Variants in OR2B11 observed in about 807,000 individuals in gnomAD.
The protein encoded by OR2B11 is olfactory receptor 2B11.
For synonymous variants in OR2B11, 198 were observed against 174.5 expected (o/e 1.13, Z -1.06); for missense variants, 422 against 400.0 (o/e 1.05, Z -0.47).
chr1:247,451,001 G>T lies in OR2B11; in HGVS notation c.*28C>A. Reference sequence around the variant, plus strand: ...TAGACTTGTGCTGTGTTCTTTAATTGATGGAGATGCTACATCTCATGTCCT... The same window carrying T: ...TAGACTTGTGCTGTGTTCTTTAATTTATGGAGATGCTACATCTCATGTCCT... On this transcript the variant is annotated 3_prime_UTR_variant, in exon 2 of 2. Coordinates refer to ENST00000641149, the MANE Select transcript of OR2B11 (RefSeq NM_001004492.2). 7.7e-7 allele frequency: 1 copy of T among 1,293,112 alleles called. No homozygotes were observed. The highest frequency in any genetic ancestry group is 1.1e-6 in the Non-Finnish European group (1 of 949,958). 80.1% of individuals were successfully genotyped at this position (1,293,112 alleles called of 1,614,324 possible).
At chr1:247,455,352 G>T (rs967427047) in intron 1 of OR2B11, among the ~76,000 whole-genome samples, 2 of 152,156 alleles carry the variant, frequency 1.3e-5, no homozygotes, top group African/African-American at 4.8e-5. Context: ...CCACAACCGG[G>T]ATAGCCTGGT....
chr1:247,455,844 C>A (rs753308670), intron 1 of OR2B11, among the ~76,000 whole-genome samples: 1 of 152,162 alleles, frequency 6.6e-6, no homozygotes, highest in Non-Finnish European at 1.5e-5. Context: ...TTCAGGACAG[C>A]CCGGTTTCTT....
Position 247,451,446 on chromosome 1 carries a change from G to T in OR2B11, c.537C>A (p.Asn179Lys). 1 of 1,614,146 alleles carries T rather than the reference G, an allele frequency of 6.2e-7. No individual in the cohort carries two copies. Among genetic ancestry groups the T allele is most frequent in the South Asian group, 1.1e-5 (1 of 91,084 alleles). The change falls in exon 2 of 2, where the codon AAC becomes AAA. Residue 179 changes from asparagine to lysine, a missense_variant. Physicochemically the swap from Asn to Lys is moderately conservative, Grantham distance 94. Transcript: ENST00000641149. ...CGGCCGGCACCTCACAGAAAAAGTT[G>T]TTCAGCACCTGCCGCCCGCAGAATG... ...QLPFCGRQVL[N>K]NFFCEVPAVI...
rs1338129718 is a variant in OR2B11, at chr1:247,449,541, A to G, written c.*1488T>C. ...TACTATTTCCTCTGTACAATTAGCC[A>G]TCAAAGTAGCCACACTTTGCTACTC... is the stretch of plus-strand genomic sequence containing the variant. On this transcript the variant is annotated 3_prime_UTR_variant, in exon 2 of 2. Transcript: ENST00000641149. 1.3e-5 allele frequency: 2 copies of G among 152,228 alleles called. No homozygotes were observed. The highest frequency in any genetic ancestry group is 4.8e-5 in the African/African-American group (2 of 41,446). 9.4% of individuals were successfully genotyped at this position (152,228 alleles called of 1,614,324 possible).
At chr1:247,456,571 A>T (rs1415385386) in intron 1 of OR2B11, among the ~76,000 whole-genome samples, 1 of 150,122 alleles carries the variant, frequency 6.7e-6, no homozygotes, top group East Asian at 1.9e-4. Flanking sequence ...CAATATGTTA[A>T]TTTTTTACTT....
rs1314983732 is a variant in OR2B11 at position 247,450,826 on chromosome 1, A to T, written c.*203T>A. ...GAAGTCTATTTAAACAATGCTTAAA[A>T]ATATATGGCCTCTTAGAATTATACG... On this transcript the variant is annotated 3_prime_UTR_variant, in exon 2 of 2. Transcript: ENST00000641149. 2.5e-6 allele frequency: 1 copy of T among 400,000 alleles called. No homozygotes were observed. Among genetic ancestry groups the T allele is most frequent in the Non-Finnish European group, 4.4e-6 (1 of 225,592 alleles). 24.8% of individuals were successfully genotyped at this position (400,000 alleles called of 1,614,324 possible).
In OR2B11 at chr1:247,451,940, C is replaced by A; in HGVS notation, c.43G>T (p.Ala15Ser). The A allele has an allele frequency of 1.3e-6, 2 of 1,595,976 alleles. No homozygotes were observed. The highest frequency in any genetic ancestry group is 3.3e-4 in the Middle Eastern group (2 of 6,046). Residue 15 changes from alanine (A) to serine (S), a missense_variant, in exon 2 of 2, where the codon GCC (alanine) becomes TCC (serine). Transcript: ENST00000641149. Reference sequence around the variant, plus strand: ...TCAGACACACCCAGAAGGATGAAGGCTTTAGGGGAGTCCCCTAAGAAGCTA... The same window carrying A: ...TCAGACACACCCAGAAGGATGAAGGATTTAGGGGAGTCCCCTAAGAAGCTA... ...NHSFLGDSPKAFILLGVSDRP... is the reference protein window; with the variant it reads ...NHSFLGDSPKSFILLGVSDRP...
In OR2B11 at chr1:247,451,968, G is replaced by A. The variant is rs746400600; in HGVS notation, c.15C>T (p.Asn5=). 3 of 1,603,664 alleles carry A rather than the reference G, an allele frequency of 1.9e-6. No individual in the cohort carries two copies. Among genetic ancestry groups the A allele is most frequent in the Non-Finnish European group, 2.6e-6 (3 of 1,171,448 alleles). The change falls in exon 2 of 2, where the codon AAC becomes AAT. Residue 5 remains asparagine (N), a synonymous_variant. Transcript: ENST00000641149. MKSD[N]HSFLGDSPKA... ...TAGGGGAGTCCCCTAAGAAGCTATG[G>A]TTGTCACTTTTCATGTTGCGGCATT... is the stretch of plus-strand genomic sequence containing the variant.
In OR2B11 at chr1:247,455,033, G is replaced by A. The variant is rs767838172; in HGVS notation, c.-3051C>T. The A allele has an allele frequency of 1.3e-5, 2 of 152,142 alleles. No individual in the cohort carries two copies. The highest frequency in any genetic ancestry group is 2.4e-5 in the African/African-American group (1 of 41,424). 9.4% of individuals were successfully genotyped at this position (152,142 alleles called of 1,614,324 possible). On this transcript the variant is annotated 5_prime_UTR_variant, in exon 2 of 2. Transcript: ENST00000641149. ...GGCAGGCTAGGCTGTGAACACGCAG[G>A]CTGTGATACACCCTTAGATATATAT... is the stretch of plus-strand genomic sequence containing the variant.
At position 247,451,850 on chromosome 1, in the gene OR2B11, C is replaced by T. The variant is rs1363713621; in HGVS notation, c.133G>A (p.Gly45Arg). 3 of 1,613,954 alleles carry T rather than the reference C, an allele frequency of 1.9e-6. No individual in the cohort carries two copies. Among genetic ancestry groups the T allele is most frequent in the Non-Finnish European group, 1.7e-6 (2 of 1,180,034 alleles). ...GATGCCAGGATGATGGCGACGTTCC[C>T]CAACATGGCCAGCACATAGGACAGC... ...LLLSYVLAMLGNVAIILASRV... is the reference protein window; with the variant it reads ...LLLSYVLAMLRNVAIILASRV... Residue 45 changes from glycine (G) to arginine (R), a missense_variant, in exon 2 of 2, where the codon GGG becomes AGG. Physicochemically the swap from Gly to Arg is moderately radical, Grantham distance 125 (BLOSUM62 -2). Transcript: ENST00000641149.
At position 247,451,305 on chromosome 1, in the gene OR2B11, G is replaced by T. The variant is rs1240572738; in HGVS notation, c.678C>A (p.Ala226=). 2.5e-6 allele frequency: 4 copies of T among 1,614,106 alleles called. No homozygotes were observed. In the South Asian group the frequency reaches 4.4e-5, roughly 18 times the overall value. ...AGGACTGGATCCTGAGCACTGCCCG[G>T]GCAATAAAGCCATAGGAGAGAAGGA... ...ALILLSYGFI[A]RAVLRIQSSK... Residue 226 remains alanine, a synonymous_variant, in exon 2 of 2, where the codon GCC becomes GCA. Transcript: ENST00000641149.
At position 247,451,516 on chromosome 1, in the gene OR2B11, C is replaced by A; in HGVS notation, c.467G>T (p.Gly156Val). The change falls in exon 2 of 2, where the codon GGC becomes GTC. Residue 156 changes from glycine (G) to valine (V), a missense_variant. By Grantham distance (109) the Gly-to-Val change is moderately radical (BLOSUM62 -3). Coordinates refer to ENST00000641149, the MANE Select transcript of OR2B11 (RefSeq NM_001004492.2). ...QQLVALAWLSGFGNSFVQVVL... is the reference protein window; with the variant it reads ...QQLVALAWLSVFGNSFVQVVL... ...CACCTGCACGAAGGAGTTGCCGAAG[C>A]CACTGAGCCAGGCCAGAGCCACGAG... is the stretch of plus-strand genomic sequence containing the variant. The A allele has an allele frequency of 6.2e-7, 1 of 1,614,244 alleles. No homozygotes were observed. The highest frequency in any genetic ancestry group is 8.5e-7 in the Non-Finnish European group (1 of 1,180,052).
chr1:247,451,407 C>A lies in OR2B11; in HGVS notation c.576G>T (p.Ser192=), dbSNP rs367979713. The change falls in exon 2 of 2, where the codon TCG becomes TCT. Residue 192 remains serine, a synonymous_variant. Coordinates refer to ENST00000641149, the MANE Select transcript of OR2B11 (RefSeq NM_001004492.2). ...TGTCATTCACAGCGGTGTCAGCACA[C>A]GACAGCTTGATCACGGCCGGCACCT... is the stretch of plus-strand genomic sequence containing the variant. ...FCEVPAVIKL[S]CADTAVNDTI... The A allele has an allele frequency of 1.2e-6, 2 of 1,614,138 alleles. No individual in the cohort carries two copies. Among genetic ancestry groups the A allele is most frequent in the Non-Finnish European group, 1.7e-6 (2 of 1,180,012 alleles).
rs755487668 is a variant in OR2B11, at chr1:247,451,306, G to A, written c.677C>T (p.Ala226Val). Residue 226 changes from alanine to valine, a missense_variant, in exon 2 of 2, where the codon GCC (alanine) becomes GTC (valine). Physicochemically the swap from Ala to Val is moderately conservative, Grantham distance 64. Transcript: ENST00000641149. ...GGACTGGATCCTGAGCACTGCCCGG[G>A]CAATAAAGCCATAGGAGAGAAGGAT... is the stretch of plus-strand genomic sequence containing the variant. ...ALILLSYGFI[A>V]RAVLRIQSSK... is the part of the protein sequence containing the mutation. The A allele has an allele frequency of 1.2e-6, 2 of 1,614,118 alleles. No homozygotes were observed. The highest frequency in any genetic ancestry group is 1.7e-6 in the Non-Finnish European group (2 of 1,180,020).
chr1:247,451,191 C>A lies in OR2B11; in HGVS notation c.792G>T (p.Leu264=). ...LFYLPAIYMY[L]QPPSSYSQEQ... is the part of the protein sequence containing the mutation. ...CTTGGGAGTAGCTGGAAGGGGGCTG[C>A]AGATACATGTAAATCGCAGGTAGGT... Residue 264 remains leucine (L), a synonymous_variant, in exon 2 of 2, where the codon CTG becomes CTT. Transcript: ENST00000641149. 2 of 1,571,104 alleles carry A rather than the reference C, an allele frequency of 1.3e-6. No individual in the cohort carries two copies. Among genetic ancestry groups the A allele is most frequent in the Admixed American group, 1.8e-5 (1 of 55,918 alleles).
intron 1 of OR2B11, among the ~76,000 whole-genome samples, chr1:247,455,466 C>T (rs1033950548): frequency 9.2e-5 from 14 of 152,148 alleles, no homozygotes; most frequent in Non-Finnish European, 1.9e-4. Flanking sequence ...GATAATAACA[C>T]GGACTCTTTC....
intron 1 of OR2B11, 64 bp downstream of exon 1, chr1:247,457,575 A>T (rs1664989488): frequency 6.6e-6 from 1 of 152,228 alleles, no homozygotes. Flanking sequence ...AATACTGCCC[A>T]TCCTGCACCT....
chr1:247,453,355 T>A lies in OR2B11; in HGVS notation c.-1373A>T, dbSNP rs751163743. ...TGGAGGAATAAGTTCAGTTTTTCCC[T>A]CCTGCTTCTCTAGTTTCAAAACCAC... On this transcript the variant is annotated 5_prime_UTR_variant, in exon 2 of 2. Coordinates refer to ENST00000641149, the MANE Select transcript of OR2B11 (RefSeq NM_001004492.2). The A allele has an allele frequency of 1.3e-5, 2 of 152,216 alleles. No individual in the cohort carries two copies. The highest frequency in any genetic ancestry group is 2.9e-5 in the Non-Finnish European group (2 of 68,050). The allele number at this position is 152,216 out of a possible 1,614,324, so 9.4% of individuals were successfully genotyped here. A position where few individuals can be genotyped will look rare whatever the true frequency, so the allele number is the denominator to read the frequency against.
chr1:247,452,569 C>G lies in OR2B11; in HGVS notation c.-587G>C, dbSNP rs1664873338. The G allele has an allele frequency of 6.4e-6, 1 of 156,392 alleles. No homozygotes were observed. Among genetic ancestry groups the G allele is most frequent in the South Asian group, 2.0e-4 (1 of 5,060 alleles). 9.7% of individuals were successfully genotyped at this position (156,392 alleles called of 1,614,324 possible). On this transcript the variant is annotated 5_prime_UTR_variant, in exon 2 of 2. Coordinates refer to ENST00000641149, the MANE Select transcript of OR2B11 (RefSeq NM_001004492.2). ...CCCCGTCACTGGCTCACGCTTGCATCCAGCTCCCGGATTCATGCTGATCTC... is the reference window on the plus strand; with the variant it reads ...CCCCGTCACTGGCTCACGCTTGCATGCAGCTCCCGGATTCATGCTGATCTC...
Sources: gnomAD v4.1 joint callset for allele counts (sites outside exome capture counted in the v4.1 genomes callset) on GRCh38, gnomAD v4.1.1 for gene constraint, MANE v1.5 for transcripts, NCBI Gene and HGNC (gene_info 2026-07-23, HGNC 2026-07-21) for gene names.